CAND2: variants seen among roughly 807,000 people sequenced by gnomAD.
CAND2 encodes cullin associated and neddylation dissociated 2 (putative).
Under a neutral mutation model 98.9 loss-of-function variants are expected in CAND2, and 62 were observed. That is an observed-to-expected ratio of 0.63 (90% CI 0.51 to 0.77). The LOEUF is 0.77. Ranked by LOEUF, CAND2 falls within the 30% of genes least tolerant of loss-of-function variation. The pLI is 0.00. For synonymous variants in CAND2, 770 were observed against 731.9 expected (o/e 1.05, Z -0.84); for missense variants, 1,501 against 1,655.2 (o/e 0.91, Z 1.62).
rs2061919354 is a variant in CAND2, at chr3:12,817,584, A to G, written c.2652A>G (p.Ala884=). 1.9e-6 allele frequency: 3 copies of G among 1,613,810 alleles called. No homozygotes were observed. The highest frequency in any genetic ancestry group is 2.5e-6 in the Non-Finnish European group (3 of 1,180,010). The change falls in exon 10 of 15, where the codon GCA becomes GCG. Residue 884 remains alanine, a synonymous_variant. Transcript: ENST00000456430. The stretch of plus-strand genomic sequence containing the variant: ...ATGTGAGGGCTGCAGCCTCGTATGC[A>G]CTGGGCCGTGTGGGTGCTGGCAGCC... ...SEDVRAAASY[A]LGRVGAGSLP...
intron 10 of CAND2, 21 bp from the exon 11 acceptor site, chr3:12,820,065 T>C: frequency 6.2e-7 from 1 of 1,607,460 alleles, no homozygotes; most frequent in Non-Finnish European, 8.5e-7. Flanking sequence ...CCTCACTAAC[T>C]CACCTCTTCT....
At chr3:12,818,021 A>G (rs2061924041) in intron 10 of CAND2, 145 bp downstream of exon 10, 1 of 669,490 alleles carries the variant, frequency 1.5e-6, no homozygotes, top group Non-Finnish European at 2.3e-6. Context: ...CAAGGAAGCT[A>G]CAGAGGAACA....
intron 4 of CAND2, among the ~76,000 whole-genome samples, chr3:12,808,746 G>A (rs1467796696): frequency 1.3e-5 from 2 of 152,186 alleles, no homozygotes; most frequent in African/African-American, 2.4e-5. Flanking sequence ...TTCTAAAAGA[G>A]AGTGCTGCTA....
chr3:12,825,315 T>C (rs1482917618), intron 11 of CAND2, among the ~76,000 whole-genome samples, 155 bp from the exon 12 acceptor site: 1 of 152,134 alleles, frequency 6.6e-6, no homozygotes, highest in East Asian at 1.9e-4. Context: ...TGAAGGGTTG[T>C]TTGTGCCTGG....
chr3:12,806,158 A>G (rs767522139), intron 2 of CAND2, among the ~76,000 whole-genome samples: 2 of 151,976 alleles, frequency 1.3e-5, no homozygotes, highest in African/African-American at 2.4e-5. Flanking sequence ...ATAGCGAGAC[A>G]CTGAAAAAAG....
chr3:12,831,573 G>T lies in CAND2; in HGVS notation c.3483+1G>T. ...ACTAAGGGCCACCTGCACTGCCAAGGTAAGTCCCTGGCCCAGCCCTAGCCC... is the reference window on the plus strand; with the variant it reads ...ACTAAGGGCCACCTGCACTGCCAAGTTAAGTCCCTGGCCCAGCCCTAGCCC... On this transcript the variant is annotated splice_donor_variant, in intron 14 of 14. Transcript: ENST00000456430. LOFTEE classifies it high-confidence loss of function. 2 of 1,607,376 alleles carry T rather than the reference G, an allele frequency of 1.2e-6. No homozygotes were observed.
At chr3:12,808,762 G>C (rs2061826863) in intron 4 of CAND2, among the ~76,000 whole-genome samples, 1 of 152,204 alleles carries the variant, frequency 6.6e-6, no homozygotes, top group Non-Finnish European at 1.5e-5. Flanking sequence ...TGCTAGAGCT[G>C]AGCCTTCGAG....
intron 12 of CAND2, among the ~76,000 whole-genome samples, chr3:12,827,209 C>G (rs896777482): frequency 2.0e-5 from 3 of 152,210 alleles, no homozygotes; most frequent in Non-Finnish European, 1.5e-5. Context: ...GTGCCTGCCA[C>G]TCAGACAGTG....
Position 12,831,445 on chromosome 3 carries a change from C to T in CAND2, c.3376-20C>T, listed in dbSNP as rs1205428958. 1 of 1,601,638 alleles carries T rather than the reference C, an allele frequency of 6.2e-7. No homozygotes were observed. Among genetic ancestry groups the T allele is most frequent in the Non-Finnish European group, 8.6e-7 (1 of 1,169,326 alleles). ...GCTCCTGCACCATTTCACTAAGAAC[C>T]ATCTCCTTCCTCTGGGCAGATGCTG... is the stretch of plus-strand genomic sequence containing the variant. On this transcript the variant is annotated intron_variant, in intron 13 of 14. Transcript: ENST00000456430.
In CAND2 at chr3:12,817,277, C is replaced by A. The variant is rs1575773769; in HGVS notation, c.2345C>A (p.Thr782Asn). 9 of 1,613,902 alleles carry A rather than the reference C, an allele frequency of 5.6e-6. No individual in the cohort carries two copies. The highest frequency in any genetic ancestry group is 7.6e-6 in the Non-Finnish European group (9 of 1,180,044). The part of the protein sequence containing the change: ...VDYAKLISLL[T>N]APVYEQAVDG... Reference sequence around the variant, plus strand: ...TATGCCAAACTCATCAGCCTGCTCACTGCGCCTGTTTATGAGCAGGCTGTG... The same window carrying A: ...TATGCCAAACTCATCAGCCTGCTCAATGCGCCTGTTTATGAGCAGGCTGTG... The change falls in exon 10 of 15, where the codon ACT becomes AAT. Residue 782 changes from threonine to asparagine, a missense_variant. Physicochemically the swap from Thr to Asn is moderately conservative, Grantham distance 65 (BLOSUM62 0). Around this residue, in one of 3 missense-constraint regions of CAND2, gnomAD observed 1,427 missense variants for 1,545.3 expected, o/e 0.92. Transcript: ENST00000456430.
chr3:12,825,475 T>A lies in CAND2; in HGVS notation c.3046T>A (p.Phe1016Ile). The change falls in exon 12 of 15, where the codon TTC becomes ATC. Residue 1016 changes from phenylalanine (F) to isoleucine (I), a missense_variant. Physicochemically the swap from Phe to Ile is conservative, Grantham distance 21. This residue lies in a region of CAND2 where 1,427 missense variants were observed against 1,545.3 expected (regional missense o/e 0.92). Transcript: ENST00000456430. ...DPLLKSFIGE[F>I]MESLQDPDLN... ...CCCTCATGTTCTTCTGCCAGGAGAG[T>A]TCATGGAGAGCCTGCAGGACCCAGA... 1 of 1,553,592 alleles carries A rather than the reference T, an allele frequency of 6.4e-7. No homozygotes were observed. The highest frequency in any genetic ancestry group is 8.7e-7 in the Non-Finnish European group (1 of 1,147,856).
At chr3:12,827,301 G>A (rs1320240616) in intron 12 of CAND2, 139 bp from the exon 13 acceptor site, 2 of 685,070 alleles carry the variant, frequency 2.9e-6, no homozygotes, top group East Asian at 5.4e-5. Flanking sequence ...GCTGAGCAAA[G>A]GCATGGAGAC....
At chr3:12,805,044 T>C (rs1363938020) in intron 2 of CAND2, among the ~76,000 whole-genome samples, 1 of 152,162 alleles carries the variant, frequency 6.6e-6, no homozygotes, top group Non-Finnish European at 1.5e-5. Context: ...TTATAAAACC[T>C]ACCTCTACAC....
intron 5 of CAND2, 37 bp downstream of exon 5, chr3:12,810,361 T>C (rs999344080): frequency 1.4e-6 from 2 of 1,399,458 alleles, no homozygotes; most frequent in Admixed American, 3.1e-5. Context: ...GCTGGCATGG[T>C]GGGCGGAGCT....
intron 10 of CAND2, among the ~76,000 whole-genome samples, chr3:12,819,549 C>T (rs542533587): frequency 2.4e-4 from 37 of 152,276 alleles, no homozygotes; most frequent in African/African-American, 6.5e-4. Context: ...GGAGGTGATC[C>T]GAGTTCTGTT....
chr3:12,810,198 T>C lies in CAND2; in HGVS notation c.631T>C (p.Phe211Leu). 1 of 1,541,318 alleles carries C rather than the reference T, an allele frequency of 6.5e-7. No individual in the cohort carries two copies. Among genetic ancestry groups the C allele is most frequent in the South Asian group, 1.2e-5 (1 of 83,298 alleles). The change falls in exon 5 of 15, where the codon TTC becomes CTC. Residue 211 changes from phenylalanine to leucine, a missense_variant. By Grantham distance (22) the Phe-to-Leu change is conservative (BLOSUM62 0). This residue lies in a region of CAND2 where 1,427 missense variants were observed against 1,545.3 expected (regional missense o/e 0.92). Transcript: ENST00000456430. ...GGCGGCCGCCTGCAGCACCGACCTC[T>C]TCGTCGAGCTCGCTGACCACCTACT... ...HLAAACSTDL[F>L]VELADHLLDR...
intron 13 of CAND2, among the ~76,000 whole-genome samples, chr3:12,829,985 T>G (rs1461547341): frequency 6.6e-6 from 1 of 152,226 alleles, no homozygotes; most frequent in Non-Finnish European, 1.5e-5. Context: ...TGCATTACTG[T>G]GACCCACGGT....
intron 11 of CAND2, among the ~76,000 whole-genome samples, chr3:12,823,356 T>C (rs1314216700): frequency 4.0e-5 from 6 of 151,732 alleles, no homozygotes; most frequent in African/African-American, 1.5e-4. Flanking sequence ...TTTGGGAGGC[T>C]GAGGCGGGAG....
chr3:12,805,718 A>C (rs755682301), intron 2 of CAND2, among the ~76,000 whole-genome samples: 95 of 152,224 alleles, frequency 6.2e-4, no homozygotes, highest in Admixed American at 3.9e-3. Context: ...CAATGTAAAA[A>C]AGTATTTTGT....
Sources: allele counts gnomAD v4.1 joint callset (sites outside exome capture counted in the v4.1 genomes callset), GRCh38; gene constraint gnomAD v4.1.1; regional missense constraint gnomAD v4.1.1; transcripts MANE v1.5; gene names NCBI Gene and HGNC (gene_info 2026-07-23, HGNC 2026-07-21).